Variants in FGD3 observed in about 807,000 individuals in gnomAD.
FGD3 encodes the protein FYVE, RhoGEF and PH domain containing 3, also known as FYVE, RhoGEF and PH domain-containing protein 3.
In FGD3, 45 loss-of-function variants were observed where a neutral mutation model predicts 71.8. The ratio of observed to expected loss-of-function variants is 0.63; its 90% CI spans 0.49 to 0.80. The LOEUF (loss-of-function observed/expected upper bound fraction) is 0.80, where lower values mean the gene tolerates loss of function less well. Ranked by LOEUF, FGD3 falls within the 30% of genes least tolerant of loss-of-function variation. The pLI is 0.00. For synonymous variants in FGD3, 378 were observed against 392.8 expected (o/e 0.96, Z 0.44); for missense variants, 844 against 951.5 (o/e 0.89, Z 1.49).
intron 1 of FGD3, among the ~76,000 whole-genome samples, chr9:92,951,893 C>T (rs984927257): frequency 2.6e-5 from 4 of 152,190 alleles, no homozygotes; most frequent in South Asian, 2.1e-4. Flanking sequence ...CCTGACTTTA[C>T]GGCTGCAGAG....
At chr9:92,956,891 T>G (rs965424122) in intron 1 of FGD3, among the ~76,000 whole-genome samples, 2 of 143,820 alleles carry the variant, frequency 1.4e-5, no homozygotes, top group African/African-American at 5.3e-5. Context: ...CAGTCTGGAG[T>G]GCAGTGGTGC....
chr9:93,011,365 T>A, intron 8 of FGD3, 93 bp downstream of exon 8: 1 of 1,484,818 alleles, frequency 6.7e-7, no homozygotes, highest in Non-Finnish European at 9.4e-7. Flanking sequence ...CCGCTATCCT[T>A]TGGGGGGCTC....
intron 1 of FGD3, among the ~76,000 whole-genome samples, chr9:92,957,751 T>G (rs1368790009): frequency 6.7e-6 from 1 of 149,884 alleles, no homozygotes; most frequent in Non-Finnish European, 1.5e-5. Flanking sequence ...GCATGATCTC[T>G]GCTCACTGCA....
At chr9:93,000,388 T>C (rs1860816510) in intron 3 of FGD3, among the ~76,000 whole-genome samples, 1 of 152,226 alleles carries the variant, frequency 6.6e-6, no homozygotes, top group Non-Finnish European at 1.5e-5. Flanking sequence ...GAACTTTATA[T>C]TATCCTGTGG....
rs1054301751 is a variant in FGD3 at position 93,035,963 on chromosome 9, C to T, written c.*374C>T. 10 of 216,662 alleles carry T rather than the reference C, an allele frequency of 4.6e-5. No homozygotes were observed. Among genetic ancestry groups the T allele is most frequent in the African/African-American group, 1.6e-4 (7 of 43,546 alleles). The allele number at this position is 216,662 out of a possible 1,614,324, so 13.4% of individuals were successfully genotyped here. ...TGCTGGTCTGCAGCGTGGTCCACCCCGCCTCTGCCCAGCCTGTCTACACCG... is the reference window on the plus strand; with the variant it reads ...TGCTGGTCTGCAGCGTGGTCCACCCTGCCTCTGCCCAGCCTGTCTACACCG... On this transcript the variant is annotated 3_prime_UTR_variant, in exon 18 of 18. Coordinates refer to ENST00000375482, the MANE Select transcript of FGD3 (RefSeq NM_001083536.2).
chr9:93,027,291 G>T (rs1261752369), intron 14 of FGD3, among the ~76,000 whole-genome samples: 1 of 152,176 alleles, frequency 6.6e-6, no homozygotes, highest in African/African-American at 2.4e-5. Flanking sequence ...TTGCACAGAG[G>T]CACTGGTGTC....
At chr9:92,996,300 T>C (rs1345253345) in intron 3 of FGD3, among the ~76,000 whole-genome samples, 2 of 152,238 alleles carry the variant, frequency 1.3e-5, no homozygotes, top group Non-Finnish European at 2.9e-5. Context: ...TGGTAGTTTG[T>C]ATTTCTGTGG....
Position 93,035,558 on chromosome 9 carries a change from T to C in FGD3, c.2147T>C (p.Leu716Pro), listed in dbSNP as rs749842701. 9 of 1,601,052 alleles carry C rather than the reference T, an allele frequency of 5.6e-6. No homozygotes were observed. The highest frequency in any genetic ancestry group is 7.7e-6 in the Non-Finnish European group (9 of 1,176,224). ...TAQDSPGALQ[L>P]QVPMGAAAP The stretch of plus-strand genomic sequence containing the variant: ...CAGGACAGCCCGGGGGCCCTGCAGC[T>C]TCAGGTCCCTATGGGCGCAGCTGCT... Residue 716 changes from leucine (L) to proline (P), a missense_variant, in exon 18 of 18, where the codon CTT becomes CCT. Physicochemically the swap from Leu to Pro is moderately conservative, Grantham distance 98 (BLOSUM62 -3). Coordinates refer to ENST00000375482, the MANE Select transcript of FGD3 (RefSeq NM_001083536.2).
chr9:93,016,149 A>T (rs1432807723), intron 10 of FGD3, among the ~76,000 whole-genome samples: 1 of 151,996 alleles, frequency 6.6e-6, no homozygotes, highest in African/African-American at 2.4e-5. Flanking sequence ...CACCTGTGAG[A>T]CTGGGACTCG....
At chr9:92,962,849 G>A (rs547257912) in intron 1 of FGD3, among the ~76,000 whole-genome samples, 1 of 150,810 alleles carries the variant, frequency 6.6e-6, no homozygotes, top group South Asian at 2.1e-4. Context: ...GATGAGGCAG[G>A]AGAATCTTTG....
chr9:92,978,413 AC>A (rs1338086097), intron 3 of FGD3, among the ~76,000 whole-genome samples: 9 of 26,042 alleles, frequency 3.5e-4, no homozygotes, highest in South Asian at 2.4e-3. Flanking sequence ...CCCACCGCCC[AC>A]CCCCCCACCC....
intron 1 of FGD3, among the ~76,000 whole-genome samples, chr9:92,952,529 G>A (rs922657345): frequency 6.6e-6 from 1 of 151,966 alleles, no homozygotes; most frequent in South Asian, 2.1e-4. Context: ...GAGCCACCGC[G>A]CCCGGCCCGA....
chr9:92,978,316 A>G (rs1859846999), intron 3 of FGD3, among the ~76,000 whole-genome samples: 1 of 151,904 alleles, frequency 6.6e-6, no homozygotes, highest in African/African-American at 2.4e-5. Flanking sequence ...ACTATATTCT[A>G]ATAGCCACAT....
Position 93,010,423 on chromosome 9 carries a change from C to T in FGD3, c.976+39C>T, listed in dbSNP as rs368308660. On this transcript the variant is annotated intron_variant, in intron 7 of 17. Transcript: ENST00000375482. ...AAGGGCTCCCAGGAGGGTGCAGGGG[C>T]ACCTGCCAAGAACTCTGGGGGTGGG... 109 of 1,568,986 alleles carry T rather than the reference C, an allele frequency of 6.9e-5. No individual in the cohort carries two copies. The African/African-American group carries it at 1.5e-3, about 21-fold the overall frequency.
intron 7 of FGD3, 133 bp downstream of exon 7, chr9:93,010,517 A>AAGAGACAGAGAC (rs151317911): frequency 2.2e-5 from 16 of 743,910 alleles, no homozygotes; most frequent in African/African-American, 9.8e-5. Flanking sequence ...ACCAGAGGGA[A>AAGAGACAGAGAC]AGAGACAGAG....
At position 93,010,228 on chromosome 9, in the gene FGD3, C is replaced by G; in HGVS notation, c.838-18C>G. 1 of 1,593,790 alleles carries G rather than the reference C, an allele frequency of 6.3e-7. No homozygotes were observed. The highest frequency in any genetic ancestry group is 1.3e-5 in the African/African-American group (1 of 74,682). On this transcript the variant is annotated intron_variant, in intron 6 of 17. Transcript: ENST00000375482. ...ACACGTGTCCTTGGAGTGCCCAATG[C>G]TCCCTCTGTCCCCACAGAAGCAGGA...
intron 14 of FGD3, among the ~76,000 whole-genome samples, chr9:93,029,340 C>A (rs1862266214): frequency 6.6e-6 from 1 of 152,188 alleles, no homozygotes; most frequent in South Asian, 2.1e-4. Flanking sequence ...TGCGTCCAGC[C>A]TCCCCCTAAA....
intron 3 of FGD3, among the ~76,000 whole-genome samples, chr9:92,981,702 C>A (rs928232081): frequency 5.9e-5 from 9 of 152,172 alleles, no homozygotes; most frequent in Non-Finnish European, 1.3e-4. Context: ...AAGTTTCCTT[C>A]ATATATTTAG....
In FGD3 at chr9:93,021,343, G is replaced by A. The variant is rs1439670673; in HGVS notation, c.1494+919G>A. Among the ~76,000 whole-genome samples the A allele has an allele frequency of 3.3e-5, 5 of 152,144 alleles. No homozygotes were observed. The South Asian group carries it at 6.2e-4, about 19-fold the overall frequency. On this transcript the variant is annotated intron_variant, in intron 13 of 17. Coordinates refer to ENST00000375482, the MANE Select transcript of FGD3 (RefSeq NM_001083536.2). ...GAGGCGGGGCTGCAGGGTCCTTGCC[G>A]AGAAGCCTGGCCAGGGAGTCAGGGC... is the stretch of plus-strand genomic sequence containing the variant.
Sources: allele counts gnomAD v4.1 joint callset (sites outside exome capture counted in the v4.1 genomes callset), GRCh38; gene constraint gnomAD v4.1.1; transcripts MANE v1.5; gene names NCBI Gene and HGNC (gene_info 2026-07-23, HGNC 2026-07-21).